Variants in TASOR observed in about 807,000 individuals in gnomAD.
TASOR encodes the protein transcription activation suppressor, also known as protein TASOR.
TASOR carries 53 observed loss-of-function variants against 178.6 expected under a neutral mutation model. The observed-to-expected ratio is 0.30, with a 90% confidence interval of 0.24 to 0.37. The LOEUF is 0.37. TASOR is among the 10% of genes least tolerant of loss of function. The pLI, the probability that TASOR is intolerant of heterozygous loss-of-function variation, is 1.00. For synonymous variants in TASOR, 713 were observed against 696.2 expected (o/e 1.02, Z -0.38); for missense variants, 1,815 against 1,971.4 (o/e 0.92, Z 1.50).
chr3:56,631,309 T>G (rs190121032), intron 18 of TASOR, among the ~76,000 whole-genome samples: 1 of 152,148 alleles, frequency 6.6e-6, no homozygotes, highest in African/African-American at 2.4e-5. Flanking sequence ...GACATGTTAG[T>G]AGCTATAAAG....
At chr3:56,655,072 CT>C (rs2077441519) in intron 11 of TASOR, among the ~76,000 whole-genome samples, 1 of 152,152 alleles carries the variant, frequency 6.6e-6, no homozygotes, top group Non-Finnish European at 1.5e-5. Flanking sequence ...AATGCAACCC[CT>C]GACCCAAAAC....
intron 6 of TASOR, 65 bp from the exon 7 acceptor site, chr3:56,666,449 G>A: frequency 8.0e-7 from 1 of 1,252,094 alleles, no homozygotes; most frequent in South Asian, 2.1e-5. Flanking sequence ...ATATTTAACT[G>A]CCTGATTTCT....
intron 11 of TASOR, among the ~76,000 whole-genome samples, chr3:56,655,443 T>C (rs1031059715): frequency 3.3e-5 from 5 of 152,138 alleles, no homozygotes; most frequent in African/African-American, 9.7e-5. Context: ...AAATTAGGCA[T>C]ACTAAGAGAC....
chr3:56,626,900 A>G lies in TASOR; in HGVS notation c.4139+137T>C, dbSNP rs973445610. ...CTTATAAAGGCTAGAATAATTCAGT[A>G]TCTATACTCAATTATGGCTGGCTAT... On this transcript the variant is annotated intron_variant, in intron 21 of 23. Transcript: ENST00000683822. The G allele has an allele frequency of 1.4e-5, 8 of 570,262 alleles. No homozygotes were observed. In the African/African-American group the frequency reaches 1.5e-4, roughly 11 times the overall value. 35.3% of individuals were successfully genotyped at this position (570,262 alleles called of 1,614,324 possible). A position where few individuals can be genotyped will look rare whatever the true frequency, so the allele number is the denominator to read the frequency against.
chr3:56,626,953 A>G (rs2076812765), intron 21 of TASOR, 84 bp downstream of exon 21: 1 of 831,718 alleles, frequency 1.2e-6, no homozygotes, highest in Non-Finnish European at 1.9e-6. Flanking sequence ...GAACATCCAT[A>G]ATCTACAAAC....
Position 56,633,422 on chromosome 3 carries a change from A to G in TASOR, c.3369T>C (p.Val1123=), listed in dbSNP as rs1205934992. The change falls in exon 18 of 24, where the codon GTT becomes GTC. Residue 1123 remains valine, a synonymous_variant. Transcript: ENST00000683822. The stretch of plus-strand genomic sequence containing the variant: ...GTTTATTGTTGAAGTCACTTGAGGA[A>G]ACTGGTATGACATGCCTTTCCAGAG... ...SNPLERHVIP[V]SSSDFNNKHL... The G allele has an allele frequency of 6.2e-7, 1 of 1,614,110 alleles. No homozygotes were observed. Among genetic ancestry groups the G allele is most frequent in the South Asian group, 1.1e-5 (1 of 91,070 alleles).
intron 1 of TASOR, among the ~76,000 whole-genome samples, chr3:56,682,138 T>C (rs1006573082): frequency 2.0e-5 from 3 of 152,208 alleles, no homozygotes; most frequent in Admixed American, 2.0e-4. Context: ...AACAGCAGTG[T>C]GCATGGATCA....
rs757422290 is a variant in TASOR, at chr3:56,624,638, TC to T, written c.4323del (p.Asn1442ThrfsTer13). 1 of 1,610,680 alleles carries T rather than the reference TC, an allele frequency of 6.2e-7. No homozygotes were observed. Among genetic ancestry groups the T allele is most frequent in the Non-Finnish European group, 8.5e-7 (1 of 1,178,960 alleles). ...QQRHIVFLTE[K>X]NIKMLSSYTD... is the part of the protein sequence containing the mutation. ...GTATAACTGGAAAGCATCTTGATGT[TC>T]TTCTCTAAATTAAGAAAAAAAGTTT... is the stretch of plus-strand genomic sequence containing the variant. On this transcript the variant is annotated frameshift_variant, in exon 23 of 24. Coordinates refer to ENST00000683822, the MANE Select transcript of TASOR (RefSeq NM_001365635.2). LOFTEE classifies it high-confidence loss of function.
intron 8 of TASOR, 140 bp downstream of exon 8, chr3:56,663,401 C>G (rs1315248504): frequency 2.5e-6 from 1 of 404,892 alleles, no homozygotes; most frequent in Admixed American, 5.2e-5. Flanking sequence ...CTTGGACAAC[C>G]AAATGCGCTG....
At chr3:56,634,025 C>T (rs1669037714) in intron 17 of TASOR, 59 bp from the exon 18 acceptor site, 6 of 1,360,828 alleles carry the variant, frequency 4.4e-6, no homozygotes, top group Non-Finnish European at 5.9e-6. Context: ...TATGAAAACA[C>T]AAACCCTTAA....
chr3:56,682,551 G>C, intron 1 of TASOR, 125 bp downstream of exon 1: 1 of 906,740 alleles, frequency 1.1e-6, no homozygotes, highest in Non-Finnish European at 1.5e-6. Flanking sequence ...GGTGAGGGGA[G>C]AGGCGGCCGG....
At chr3:56,679,521 G>T (rs1041444434) in intron 1 of TASOR, among the ~76,000 whole-genome samples, 19 of 152,308 alleles carry the variant, frequency 1.2e-4, no homozygotes, top group African/African-American at 4.3e-4. Flanking sequence ...TGGCTCCAAT[G>T]ACTTCAAAAA....
chr3:56,635,648 T>G (rs985550740), intron 17 of TASOR, among the ~76,000 whole-genome samples: 17 of 152,246 alleles, frequency 1.1e-4, no homozygotes, highest in African/African-American at 4.1e-4. Flanking sequence ...TAAAAAATTC[T>G]GAATTATTTA....
At chr3:56,657,556 T>C (rs2077499430) in intron 11 of TASOR, among the ~76,000 whole-genome samples, 1 of 152,182 alleles carries the variant, frequency 6.6e-6, no homozygotes, top group African/African-American at 2.4e-5. Context: ...ATCTAGTTAA[T>C]TGCTCTGCTC....
intron 17 of TASOR, among the ~76,000 whole-genome samples, chr3:56,635,932 C>T (rs186653511): frequency 9.9e-4 from 151 of 152,266 alleles, no homozygotes; most frequent in Non-Finnish European, 1.7e-3. Flanking sequence ...AACCTCTAAA[C>T]CAAATAGATC....
intron 11 of TASOR, among the ~76,000 whole-genome samples, chr3:56,655,917 A>G (rs145031180): frequency 6.4e-4 from 98 of 152,354 alleles, no homozygotes; most frequent in Admixed American, 1.8e-3. Flanking sequence ...AGATGATGAA[A>G]TGCCTATGTG....
chr3:56,634,513 G>C (rs556131818), intron 17 of TASOR, among the ~76,000 whole-genome samples: 1 of 152,134 alleles, frequency 6.6e-6, no homozygotes, highest in Non-Finnish European at 1.5e-5. Flanking sequence ...TCTCACTTAC[G>C]AGGTTGCTAA....
intron 1 of TASOR, among the ~76,000 whole-genome samples, chr3:56,681,270 C>A (rs2031761843): frequency 6.6e-6 from 1 of 152,150 alleles, no homozygotes. Flanking sequence ...ACACTGGGAA[C>A]TTTTCTCATA....
intron 7 of TASOR, among the ~76,000 whole-genome samples, chr3:56,665,551 G>C (rs1229877326): frequency 1.3e-5 from 2 of 151,984 alleles, no homozygotes; most frequent in African/African-American, 4.8e-5. Flanking sequence ...TAGAGACACA[G>C]TTTCACCATG....
Sources: allele counts gnomAD v4.1 joint callset (sites outside exome capture counted in the v4.1 genomes callset), GRCh38; gene constraint gnomAD v4.1.1; transcripts MANE v1.5; gene names NCBI Gene and HGNC (gene_info 2026-07-23, HGNC 2026-07-21).